ARHGEF26: variants seen among roughly 807,000 people sequenced by gnomAD.
ARHGEF26 encodes the protein Rho guanine nucleotide exchange factor (GEF) 26.
ARHGEF26 carries 59 observed loss-of-function variants against 89.4 expected under a neutral mutation model. The observed-to-expected ratio is 0.66, with a 90% CI of 0.54 to 0.82. ARHGEF26 has a LOEUF of 0.82. Ranked by LOEUF, ARHGEF26 falls within the 40% of genes least tolerant of loss-of-function variation. The pLI is 0.00. For synonymous variants in ARHGEF26, 500 were observed against 428.4 expected, an observed-to-expected ratio of 1.17 and a Z score of -2.06; for missense variants, 1,234 against 1,085.6, an observed-to-expected ratio of 1.14 and a Z score of -1.92.
chr3:154,237,400 G>A (rs1414308413), intron 11 of ARHGEF26, among the ~76,000 whole-genome samples: 1 of 151,990 alleles, frequency 6.6e-6, no homozygotes, highest in Non-Finnish European at 1.5e-5. Flanking sequence ...AAATTAACCA[G>A]GCATGGTGGT....
intron 6 of ARHGEF26, among the ~76,000 whole-genome samples, chr3:154,161,099 T>TG (rs745841451): frequency 6.8e-6 from 1 of 147,220 alleles, no homozygotes; most frequent in African/African-American, 2.6e-5. Flanking sequence ...GGTAGCCAGG[T>TG]TTGTGTGTGT....
intron 12 of ARHGEF26, among the ~76,000 whole-genome samples, chr3:154,250,793 G>A (rs73875334): frequency 0.012 from 1,821 of 152,292 alleles, 33 homozygotes; most frequent in African/African-American, 0.042. Context: ...TTTTGTTTTC[G>A]ATTGGCTTTG....
chr3:154,180,606 G>A (rs374565770), intron 6 of ARHGEF26, among the ~76,000 whole-genome samples: 1 of 2,168 alleles, frequency 4.6e-4, no homozygotes, highest in African/African-American at 0.012. Flanking sequence ...TTTGTCATTG[G>A]TAAGTACCTA....
Position 154,251,482 on chromosome 3 carries a change from CT to C in ARHGEF26, c.2301-1633del, listed in dbSNP as rs1246457467. On this transcript the variant is annotated intron_variant, in intron 12 of 14. Transcript: ENST00000465093. ...TCATTAGCAGACATATACTGAGCCC[CT>C]GTTACGTGTTGGGCAATGTTGTAGA... is the stretch of plus-strand genomic sequence containing the variant. Among the ~76,000 whole-genome samples, 6 of 152,248 alleles carry C rather than the reference CT, an allele frequency of 3.9e-5. No individual in the cohort carries two copies. The East Asian group carries it at 1.2e-3, about 29-fold the overall frequency.
At chr3:154,231,060 G>A (rs1052974226) in intron 11 of ARHGEF26, among the ~76,000 whole-genome samples, 1 of 152,090 alleles carries the variant, frequency 6.6e-6, no homozygotes, top group African/African-American at 2.4e-5. Flanking sequence ...CGTTCCTAGG[G>A]AAGTCAAGAG....
At chr3:154,156,120 C>T (rs906612391) in intron 6 of ARHGEF26, among the ~76,000 whole-genome samples, 2 of 151,694 alleles carry the variant, frequency 1.3e-5, no homozygotes, top group Admixed American at 1.3e-4. Context: ...CTGCAATAAA[C>T]ATAATGTAGT....
chr3:154,251,495 G>T (rs765007893), intron 12 of ARHGEF26, among the ~76,000 whole-genome samples: 2 of 152,094 alleles, frequency 1.3e-5, no homozygotes, highest in Non-Finnish European at 2.9e-5. Flanking sequence ...TTACGTGTTG[G>T]GCAATGTTGT....
chr3:154,192,547 T>C (rs563238190), intron 8 of ARHGEF26, among the ~76,000 whole-genome samples: 1 of 152,200 alleles, frequency 6.6e-6, no homozygotes, highest in African/African-American at 2.4e-5. Flanking sequence ...ATTCAGGAAC[T>C]TCCCCCCTGT....
chr3:154,122,328 G>A lies in ARHGEF26; in HGVS notation c.336G>A (p.Lys112=). Residue 112 remains lysine, a synonymous_variant, in exon 2 of 15, where the codon AAG becomes AAA. Transcript: ENST00000465093. ...CCTCTCCTCGACTTCGACGGCCCAAGTCACCCAAGCTCCCCAAAGCGGTGC... is the reference window on the plus strand; with the variant it reads ...CCTCTCCTCGACTTCGACGGCCCAAATCACCCAAGCTCCCCAAAGCGGTGC... ...RAASPRLRRP[K]SPKLPKAVPG... is the part of the protein sequence containing the mutation. 1 of 1,612,786 alleles carries A rather than the reference G, an allele frequency of 6.2e-7. No homozygotes were observed. The highest frequency in any genetic ancestry group is 8.5e-7 in the Non-Finnish European group (1 of 1,179,854).
chr3:154,221,364 T>G (rs1716115152), intron 10 of ARHGEF26, among the ~76,000 whole-genome samples: 1 of 152,160 alleles, frequency 6.6e-6, no homozygotes, highest in African/African-American at 2.4e-5. Context: ...AAAAAGGCAT[T>G]TTTATATGTT....
chr3:154,241,157 G>A (rs1717462559), intron 12 of ARHGEF26, among the ~76,000 whole-genome samples: 1 of 152,184 alleles, frequency 6.6e-6, no homozygotes, highest in Admixed American at 6.5e-5. Flanking sequence ...TTCTCACATT[G>A]GATGAGTGGC....
chr3:154,166,307 C>T (rs185317347), intron 6 of ARHGEF26, among the ~76,000 whole-genome samples: 140 of 152,264 alleles, frequency 9.2e-4, no homozygotes, highest in African/African-American at 2.9e-3. Flanking sequence ...GCCTTGGCCT[C>T]CCAAAATGCT....
intron 6 of ARHGEF26, chr3:154,187,097 G>A: frequency 4.2e-6 from 1 of 235,830 alleles, no homozygotes; most frequent in Non-Finnish European, 6.9e-6. Flanking sequence ...TCACCATGTT[G>A]GCCAGGATGG....
At chr3:154,193,690 A>C (rs1714094067) in intron 8 of ARHGEF26, among the ~76,000 whole-genome samples, 3 of 152,116 alleles carry the variant, frequency 2.0e-5, no homozygotes, top group African/African-American at 7.2e-5. Flanking sequence ...TGGGCTTTGA[A>C]TGTGTGTGTA....
chr3:154,221,089 A>G (rs1182609076), intron 10 of ARHGEF26, among the ~76,000 whole-genome samples: 2 of 152,026 alleles, frequency 1.3e-5, no homozygotes, highest in East Asian at 3.9e-4. Context: ...CCTTGCTGAC[A>G]CTTTCATCTT....
At chr3:154,214,714 G>A (rs937502685) in intron 9 of ARHGEF26, among the ~76,000 whole-genome samples, 14 of 152,142 alleles carry the variant, frequency 9.2e-5, no homozygotes, top group Non-Finnish European at 5.9e-5. Context: ...TTCCCCAGGA[G>A]AAGTCACAAA....
At chr3:154,248,454 A>T (rs2108295532) in intron 12 of ARHGEF26, among the ~76,000 whole-genome samples, 1 of 152,324 alleles carries the variant, frequency 6.6e-6, no homozygotes, top group East Asian at 1.9e-4. Context: ...AAAAATCACA[A>T]CATAAAGACA....
chr3:154,154,211 A>C (rs1402940753), intron 6 of ARHGEF26, among the ~76,000 whole-genome samples: 4 of 152,094 alleles, frequency 2.6e-5, no homozygotes, highest in Non-Finnish European at 4.4e-5. Flanking sequence ...TTTTCTTGCT[A>C]TATGACATTT....
At chr3:154,144,512 A>T (rs1727875) in intron 4 of ARHGEF26, among the ~76,000 whole-genome samples, 1 of 152,114 alleles carries the variant, frequency 6.6e-6, no homozygotes, top group African/African-American at 2.4e-5. Context: ...TGCTGGCTGC[A>T]AATGAAGTAA....
Sources: gnomAD v4.1 joint callset for allele counts (sites outside exome capture counted in the v4.1 genomes callset) on GRCh38, gnomAD v4.1.1 for gene constraint, MANE v1.5 for transcripts, NCBI Gene and HGNC (gene_info 2026-07-23, HGNC 2026-07-21) for gene names.